Variants in TRPM3 observed in about 807,000 individuals in gnomAD.
TRPM3 encodes transient receptor potential cation channel subfamily M member 3, also known as long transient receptor potential channel 3.
TRPM3 carries 77 observed loss-of-function variants against 181.2 expected under a neutral mutation model. The observed-to-expected ratio is 0.42, with a 90% CI of 0.35 to 0.51. The LOEUF is 0.51. TRPM3 is among the 20% of genes least tolerant of loss of function. The pLI is 0.01. For synonymous variants in TRPM3, 745 were observed against 796.4 expected, an observed-to-expected ratio of 0.94 and a Z score of 1.09; for missense variants, 1,759 against 2,196.7, an observed-to-expected ratio of 0.80 and a Z score of 3.98.
intron 17 of TRPM3, 124 bp from the exon 18 acceptor site, chr9:70,616,199 T>C: frequency 1.7e-6 from 1 of 579,264 alleles, no homozygotes; most frequent in South Asian, 4.0e-5. Flanking sequence ...TGTGTACACA[T>C]GCACACACAG....
chr9:71,203,129 C>T (rs557507934), intron 1 of TRPM3, among the ~76,000 whole-genome samples: 2 of 152,316 alleles, frequency 1.3e-5, no homozygotes, highest in South Asian at 2.1e-4. Context: ...TTCTGCTTTT[C>T]TGGTTTACAC....
intron 1 of TRPM3, among the ~76,000 whole-genome samples, chr9:70,980,067 G>GCACGCACACACACACACACACACACA (rs1554789047): frequency 2.2e-5 from 3 of 137,888 alleles, no homozygotes; most frequent in African/African-American, 2.9e-5. Flanking sequence ...GCATGTGCGT[G>GCACGCACACACACACACACACACACA]CACACACACA....
At chr9:70,553,914 T>C (rs1190118298) in intron 22 of TRPM3, among the ~76,000 whole-genome samples, 3 of 152,104 alleles carry the variant, frequency 2.0e-5, no homozygotes, top group African/African-American at 7.2e-5. Flanking sequence ...TCCTGATGGA[T>C]GGGATTTCAT....
At chr9:71,119,568 A>G (rs2073172687) in intron 1 of TRPM3, among the ~76,000 whole-genome samples, 1 of 152,158 alleles carries the variant, frequency 6.6e-6, no homozygotes, top group Non-Finnish European at 1.5e-5. Context: ...TTAATTAATC[A>G]TATATGGAGA....
At chr9:70,873,230 G>A (rs979627312) in intron 1 of TRPM3, among the ~76,000 whole-genome samples, 1 of 151,956 alleles carries the variant, frequency 6.6e-6, no homozygotes, top group Non-Finnish European at 1.5e-5. Context: ...GGAAATAAAT[G>A]TATTGTGTTC....
intron 1 of TRPM3, among the ~76,000 whole-genome samples, chr9:71,061,909 G>A (rs1180405220): frequency 6.6e-6 from 1 of 152,102 alleles, no homozygotes; most frequent in East Asian, 1.9e-4. Flanking sequence ...GGGGAGAGGG[G>A]TAATGGGGAC....
At chr9:70,880,012 C>T (rs2132677012) in intron 1 of TRPM3, among the ~76,000 whole-genome samples, 1 of 152,226 alleles carries the variant, frequency 6.6e-6, no homozygotes, top group Non-Finnish European at 1.5e-5. Flanking sequence ...CTGGAAAACA[C>T]TGATAAAAGA....
chr9:70,819,911 A>G (rs150863605), intron 6 of TRPM3, among the ~76,000 whole-genome samples: 1 of 152,240 alleles, frequency 6.6e-6, no homozygotes, highest in South Asian at 2.1e-4. Context: ...GAGCCTGAAG[A>G]CAACTAGATT....
chr9:71,161,472 G>A (rs2076269085), intron 1 of TRPM3, among the ~76,000 whole-genome samples: 1 of 152,118 alleles, frequency 6.6e-6, no homozygotes, highest in African/African-American at 2.4e-5. Context: ...AGAACTCCAA[G>A]AAGATTAAGA....
chr9:71,078,434 T>C (rs2063769899), intron 1 of TRPM3, among the ~76,000 whole-genome samples: 1 of 152,154 alleles, frequency 6.6e-6, no homozygotes, highest in Non-Finnish European at 1.5e-5. Context: ...AGTAATTGCT[T>C]CTTGGGAGAA....
chr9:70,783,975 T>A, intron 7 of TRPM3, 130 bp downstream of exon 7: 3 of 1,462,532 alleles, frequency 2.1e-6, no homozygotes, highest in Non-Finnish European at 2.7e-6. Context: ...GACAGACATT[T>A]TTTAGACAAT....
At chr9:71,424,825 T>C (rs2093835150) in intron 1 of TRPM3, among the ~76,000 whole-genome samples, 1 of 152,152 alleles carries the variant, frequency 6.6e-6, no homozygotes, top group Non-Finnish European at 1.5e-5. Flanking sequence ...TGCTCCCTTG[T>C]ACTTTATAGT....
intron 1 of TRPM3, among the ~76,000 whole-genome samples, chr9:71,328,359 G>A (rs1480885595): frequency 2.6e-5 from 4 of 152,112 alleles, no homozygotes; most frequent in Admixed American, 1.3e-4. Flanking sequence ...GTAGAGACGG[G>A]GTTTCACCGT....
chr9:71,262,886 T>C (rs532321247), intron 1 of TRPM3, among the ~76,000 whole-genome samples: 3 of 152,258 alleles, frequency 2.0e-5, no homozygotes, highest in South Asian at 2.1e-4. Context: ...GGTACTTCAG[T>C]TGGAAATGCA....
At chr9:71,258,970 G>A (rs941986126) in intron 1 of TRPM3, among the ~76,000 whole-genome samples, 2 of 152,094 alleles carry the variant, frequency 1.3e-5, no homozygotes, top group Non-Finnish European at 2.9e-5. Flanking sequence ...AGGCATACAT[G>A]TGCCATGGTG....
intron 22 of TRPM3, 46 bp downstream of exon 22, chr9:70,590,985 A>T: frequency 6.2e-7 from 1 of 1,613,192 alleles, no homozygotes; most frequent in Admixed American, 1.7e-5. Flanking sequence ...ACCGAATTGA[A>T]TTTAAATACC....
chr9:70,947,589 G>C (rs1202324255), intron 1 of TRPM3, among the ~76,000 whole-genome samples: 2 of 152,064 alleles, frequency 1.3e-5, no homozygotes, highest in African/African-American at 2.4e-5. Context: ...ATTCAAAGTG[G>C]AATTAAAAAT....
intron 1 of TRPM3, among the ~76,000 whole-genome samples, chr9:71,266,369 A>G (rs1403832160): frequency 6.6e-6 from 1 of 152,202 alleles, no homozygotes; most frequent in Non-Finnish European, 1.5e-5. Flanking sequence ...TTGATGCTCC[A>G]GTAAGAAAGG....
intron 1 of TRPM3, among the ~76,000 whole-genome samples, chr9:71,139,168 T>A (rs1437414915): frequency 6.6e-6 from 1 of 152,202 alleles, no homozygotes; most frequent in East Asian, 1.9e-4. Context: ...CCACAATTCA[T>A]GTTGTAACTG....
Sources: allele counts gnomAD v4.1 joint callset (sites outside exome capture counted in the v4.1 genomes callset), GRCh38; gene constraint gnomAD v4.1.1; transcripts MANE v1.5; gene names NCBI Gene and HGNC (gene_info 2026-07-23, HGNC 2026-07-21).